GPR176: variants seen among roughly 807,000 people sequenced by gnomAD.
GPR176 encodes the protein G-protein coupled receptor 176.
In GPR176, 26 loss-of-function variants were observed where a neutral mutation model predicts 35.4. The ratio of observed to expected loss-of-function variants is 0.74; its 90% CI spans 0.54 to 1.02. The LOEUF (loss-of-function observed/expected upper bound fraction) is 1.02. Among genes scored for constraint, GPR176 ranks in the 50% least tolerant of loss-of-function variants. GPR176 has a pLI of 0.00. For synonymous variants in GPR176, 278 were observed against 271.3 expected, an observed-to-expected ratio of 1.02 and a Z score of -0.24; for missense variants, 597 against 665.3, an observed-to-expected ratio of 0.90 and a Z score of 1.13.
intron 1 of GPR176, among the ~76,000 whole-genome samples, chr15:39,826,763 A>C (rs914361474): frequency 2.0e-5 from 3 of 152,230 alleles, no homozygotes; most frequent in African/African-American, 7.2e-5. Context: ...AGTAAACAGA[A>C]GCCAGAGGGG....
chr15:39,864,839 C>CA (rs1031133972), intron 1 of GPR176, among the ~76,000 whole-genome samples: 2 of 149,032 alleles, frequency 1.3e-5, no homozygotes, highest in Non-Finnish European at 3.0e-5. Flanking sequence ...AACAATCCAA[C>CA]AAAAAAATCC....
chr15:39,819,725 T>C (rs1458268316), intron 1 of GPR176, among the ~76,000 whole-genome samples: 1 of 152,184 alleles, frequency 6.6e-6, no homozygotes, highest in Non-Finnish European at 1.5e-5. Flanking sequence ...TCTGTCCCAG[T>C]AACTATAATT....
intron 1 of GPR176, among the ~76,000 whole-genome samples, chr15:39,912,457 GA>G (rs961259963): frequency 8.8e-4 from 127 of 143,546 alleles, no homozygotes; most frequent in Middle Eastern, 3.5e-3. Flanking sequence ...TCTCTACCAA[GA>G]AAAAAAAAAA....
At chr15:39,842,828 C>A (rs2030116106) in intron 1 of GPR176, among the ~76,000 whole-genome samples, 1 of 151,986 alleles carries the variant, frequency 6.6e-6, no homozygotes, top group Non-Finnish European at 1.5e-5. Context: ...GTGAGGTAGG[C>A]CCACCAAAAG....
At chr15:39,900,768 AGAT>A (rs1052714191) in intron 1 of GPR176, among the ~76,000 whole-genome samples, 2 of 152,240 alleles carry the variant, frequency 1.3e-5, no homozygotes, top group Non-Finnish European at 2.9e-5. Context: ...GAGGAGTGGC[AGAT>A]GATGAGTTCC....
chr15:39,847,365 C>G (rs978620491), intron 1 of GPR176, among the ~76,000 whole-genome samples: 2 of 152,060 alleles, frequency 1.3e-5, no homozygotes, highest in East Asian at 3.9e-4. Context: ...TCCAACTACA[C>G]GCTATCTCCA....
intron 1 of GPR176, among the ~76,000 whole-genome samples, chr15:39,816,221 G>A (rs1313190131): frequency 1.3e-5 from 2 of 152,084 alleles, no homozygotes; most frequent in African/African-American, 4.8e-5. Flanking sequence ...GTACAATATG[G>A]TGACTACAGT....
intron 1 of GPR176, among the ~76,000 whole-genome samples, chr15:39,903,649 T>C (rs1278075797): frequency 1.3e-5 from 2 of 152,094 alleles, no homozygotes; most frequent in East Asian, 3.8e-4. Flanking sequence ...CAAAAAACTG[T>C]ATGAGATGGC....
chr15:39,894,705 G>A (rs1037957776), intron 1 of GPR176, among the ~76,000 whole-genome samples: 49 of 150,702 alleles, frequency 3.3e-4, no homozygotes, highest in African/African-American at 1.1e-3. Flanking sequence ...GTGGGATGGC[G>A]GCCGGGCGGA....
chr15:39,869,296 C>A (rs1478423989), intron 1 of GPR176, among the ~76,000 whole-genome samples: 2 of 152,020 alleles, frequency 1.3e-5, no homozygotes, highest in Admixed American at 1.3e-4. Flanking sequence ...TACCCTATAT[C>A]TTTTCCTCCA....
At chr15:39,825,232 G>A (rs1900556963) in intron 1 of GPR176, among the ~76,000 whole-genome samples, 1 of 152,018 alleles carries the variant, frequency 6.6e-6, no homozygotes, top group Non-Finnish European at 1.5e-5. Flanking sequence ...GAGAAGTATA[G>A]GAAGAAAGAA....
rs748791306 is a variant in GPR176 at position 39,919,914 on chromosome 15, T to C, written c.113A>G (p.Gln38Arg). The C allele has an allele frequency of 1.3e-6, 2 of 1,528,062 alleles. No homozygotes were observed. Among genetic ancestry groups the C allele is most frequent in the South Asian group, 1.2e-5 (1 of 80,478 alleles). The allele number at this position is 1,528,062 out of a possible 1,614,324, so 94.7% of individuals were successfully genotyped here. ...GGTGGTGGTGAACTGGCGGTACAGC[T>C]GCGCCTCGCCGAACTCCCCGAGCGC... ...RSALGEFGEA[Q>R]LYRQFTTTVQ... The change falls in exon 1 of 3, where the codon CAG (glutamine) becomes CGG (arginine). Residue 38 changes from glutamine to arginine, a missense_variant. Physicochemically the swap from Gln to Arg is conservative, Grantham distance 43 (BLOSUM62 1). This residue lies in a region of GPR176 where 126 missense variants were observed against 112.4 expected (regional missense o/e 1.12). Coordinates refer to ENST00000561100, the MANE Select transcript of GPR176 (RefSeq NM_007223.3).
chr15:39,903,981 T>C (rs1284783752), intron 1 of GPR176, among the ~76,000 whole-genome samples: 1 of 152,198 alleles, frequency 6.6e-6, no homozygotes, highest in Non-Finnish European at 1.5e-5. Context: ...GGTTATTTCT[T>C]GATGATATGC....
At chr15:39,844,252 T>A (rs942416583) in intron 1 of GPR176, among the ~76,000 whole-genome samples, 14 of 152,052 alleles carry the variant, frequency 9.2e-5, no homozygotes, top group Admixed American at 6.6e-4. Context: ...AGTTTCCTGG[T>A]CCCCACCTCA....
At chr15:39,807,533 T>A in intron 1 of GPR176, 1 of 1,513,674 alleles carries the variant, frequency 6.6e-7, no homozygotes, top group Non-Finnish European at 8.8e-7. Context: ...GATGGCTTAG[T>A]CTCATCAGTG....
intron 1 of GPR176, among the ~76,000 whole-genome samples, chr15:39,871,888 G>GTAC (rs2032055389): frequency 6.6e-6 from 1 of 152,186 alleles, no homozygotes; most frequent in Non-Finnish European, 1.5e-5. Flanking sequence ...ACCATGCTAT[G>GTAC]TACTGATCCC....
At chr15:39,886,381 CTGGGGACT>C (rs1239927934) in intron 1 of GPR176, among the ~76,000 whole-genome samples, 1 of 152,172 alleles carries the variant, frequency 6.6e-6, no homozygotes, top group African/African-American at 2.4e-5. Flanking sequence ...GCAGCACAAC[CTGGGGACT>C]TGTTCCAGCC....
chr15:39,847,756 A>AAG, intron 1 of GPR176, among the ~76,000 whole-genome samples: 1 of 151,334 alleles, frequency 6.6e-6, no homozygotes, highest in East Asian at 1.9e-4. Flanking sequence ...AAAAAAAAAA[A>AAG]AAAAAAAAGA....
At chr15:39,819,187 A>G (rs1900107305) in intron 1 of GPR176, among the ~76,000 whole-genome samples, 1 of 152,230 alleles carries the variant, frequency 6.6e-6, no homozygotes, top group Admixed American at 6.5e-5. Flanking sequence ...GCCACGCTTG[A>G]TGGAGTGGAC....
Sources: allele counts gnomAD v4.1 joint callset (sites outside exome capture counted in the v4.1 genomes callset), GRCh38; gene constraint gnomAD v4.1.1; regional missense constraint gnomAD v4.1.1; transcripts MANE v1.5; gene names NCBI Gene and HGNC (gene_info 2026-07-23, HGNC 2026-07-21).